Variants in MGAT4A observed in about 807,000 individuals in gnomAD.
The protein encoded by MGAT4A is alpha-1,3-mannosyl-glycoprotein 4-beta-N-acetylglucosaminyltransferase A.
MGAT4A carries 33 observed loss-of-function variants against 74.1 expected under a neutral mutation model. That is an observed-to-expected ratio of 0.45 (90% CI 0.34 to 0.60). The LOEUF (loss-of-function observed/expected upper bound fraction) is 0.60. MGAT4A is among the 20% of genes least tolerant of loss of function. The pLI is 0.02. For synonymous variants in MGAT4A, 198 were observed against 210.4 expected, an observed-to-expected ratio of 0.94 and a Z score of 0.51; for missense variants, 479 against 628.3, an observed-to-expected ratio of 0.76 and a Z score of 2.54.
chr2:98,707,433 C>G (rs1352143306), intron 2 of MGAT4A, among the ~76,000 whole-genome samples: 1 of 152,120 alleles, frequency 6.6e-6, no homozygotes, highest in Non-Finnish European at 1.5e-5. Flanking sequence ...CTCATGCTCA[C>G]AAAACACCCA....
chr2:98,627,681 A>G (rs1447741264), intron 14 of MGAT4A, among the ~76,000 whole-genome samples: 1 of 152,178 alleles, frequency 6.6e-6, no homozygotes, highest in East Asian at 1.9e-4. Context: ...CAGTTTAGCA[A>G]AAACGAATTT....
chr2:98,693,560 A>T (rs774033003), intron 2 of MGAT4A, among the ~76,000 whole-genome samples: 22 of 152,088 alleles, frequency 1.4e-4, no homozygotes, highest in Non-Finnish European at 3.1e-4. Flanking sequence ...TTAAAGAATT[A>T]GCTGGGTGTG....
intron 2 of MGAT4A, among the ~76,000 whole-genome samples, chr2:98,686,944 C>T (rs1396464327): frequency 6.6e-6 from 1 of 152,116 alleles, no homozygotes; most frequent in Non-Finnish European, 1.5e-5. Flanking sequence ...CTCATGATAA[C>T]ATTCATTAGA....
At chr2:98,633,118 A>T (rs1447578088) in intron 14 of MGAT4A, among the ~76,000 whole-genome samples, 1 of 152,204 alleles carries the variant, frequency 6.6e-6, no homozygotes, top group Non-Finnish European at 1.5e-5. Flanking sequence ...GAGCTAGGAC[A>T]TCGGTGATCA....
chr2:98,677,603 C>A (rs1320459778), intron 3 of MGAT4A, among the ~76,000 whole-genome samples: 3 of 152,054 alleles, frequency 2.0e-5, no homozygotes, highest in African/African-American at 7.2e-5. Flanking sequence ...CAGGCGCACA[C>A]CAACATGCCC....
At chr2:98,649,348 C>G (rs182658956) in intron 8 of MGAT4A, among the ~76,000 whole-genome samples, 37 of 152,290 alleles carry the variant, frequency 2.4e-4, no homozygotes, top group Non-Finnish European at 2.9e-4. Context: ...ACACGAGACA[C>G]AGATTTAAAA....
At position 98,637,573 on chromosome 2, in the gene MGAT4A, C is replaced by T. The variant is rs145162208; in HGVS notation, c.1323-978G>A. On this transcript the variant is annotated intron_variant, in intron 12 of 15. Transcript: ENST00000393487. ...AAACAAACTAGTAAGTATGCGTATGCGTTCTCAGGGTGTGGGGAAGGGAGG... is the reference window on the plus strand; with the variant it reads ...AAACAAACTAGTAAGTATGCGTATGTGTTCTCAGGGTGTGGGGAAGGGAGG... Among the ~76,000 whole-genome samples, 1,083 of 152,122 alleles carry T rather than the reference C, an allele frequency of 7.1e-3. 20 individuals are homozygous for T. Among genetic ancestry groups the T allele is most frequent in the African/African-American group, 0.024 (1,007 of 41,458 alleles).
Position 98,675,102 on chromosome 2 carries a change from C to G in MGAT4A, c.336G>C (p.Leu112Phe). Residue 112 changes from leucine to phenylalanine, a missense_variant, in exon 4 of 16, where the codon TTG becomes TTC. By Grantham distance (22) the Leu-to-Phe change is conservative. Transcript: ENST00000393487. Reference sequence around the variant, plus strand: ...TTCCTTCATTTTTCAATAAATGAGGCAAATGATAATAAATACTTGGCACTT... The same window carrying G: ...TTCCTTCATTTTTCAATAAATGAGGGAAATGATAATAAATACTTGGCACTT... ...SLQVPSIYYH[L>F]PHLLKNEGSL... 1 of 1,612,468 alleles carries G rather than the reference C, an allele frequency of 6.2e-7. No homozygotes were observed. The highest frequency in any genetic ancestry group is 8.5e-7 in the Non-Finnish European group (1 of 1,179,086).
chr2:98,691,448 AAAG>A lies in MGAT4A; in HGVS notation c.95-12980_95-12978del, dbSNP rs1282231286. 1.2e-3 allele frequency among the ~76,000 whole-genome samples: 177 copies of A among 152,164 alleles called. 1 individual carries two copies. The highest frequency in any genetic ancestry group is 3.8e-3 in the African/African-American group (158 of 41,524). On this transcript the variant is annotated intron_variant, in intron 2 of 15. Transcript: ENST00000393487. ...GAGCAAGCTCTGTCTCAAAAAAAAA[AAAG>A]ATTATAATAGAGCTGAAAAATTCCT...
In MGAT4A at chr2:98,726,494, G is replaced by A. The variant is rs1345046978; in HGVS notation, c.-162C>T. On this transcript the variant is annotated 5_prime_UTR_variant, in exon 2 of 16. Coordinates refer to ENST00000393487, the MANE Select transcript of MGAT4A (RefSeq NM_012214.3). ...GATGATCTGCAGGAGGAGCCTAGCA[G>A]CAATGCTGTTCACAACTGTACTCGG... 1.7e-6 allele frequency: 1 copy of A among 571,464 alleles called. No homozygotes were observed. Among genetic ancestry groups the A allele is most frequent in the South Asian group, 2.5e-5 (1 of 39,664 alleles). 35.4% of individuals were successfully genotyped at this position (571,464 alleles called of 1,614,324 possible).
intron 5 of MGAT4A, among the ~76,000 whole-genome samples, chr2:98,661,318 T>G (rs1701746010): frequency 6.6e-6 from 1 of 152,186 alleles, no homozygotes; most frequent in South Asian, 2.1e-4. Context: ...GTATCCATAC[T>G]GGATACATAC....
chr2:98,728,032 G>A (rs1444523039), intron 1 of MGAT4A, among the ~76,000 whole-genome samples: 1 of 152,180 alleles, frequency 6.6e-6, no homozygotes, highest in Non-Finnish European at 1.5e-5. Flanking sequence ...AATATGAAGA[G>A]AAGTTCCAGG....
intron 5 of MGAT4A, among the ~76,000 whole-genome samples, chr2:98,660,678 A>G (rs1438673495): frequency 2.0e-5 from 3 of 152,156 alleles, no homozygotes; most frequent in Non-Finnish European, 4.4e-5. Flanking sequence ...ACACTCAATG[A>G]AAAAAGTTTC....
At chr2:98,661,172 TA>T (rs1701743854) in intron 5 of MGAT4A, among the ~76,000 whole-genome samples, 1 of 152,186 alleles carries the variant, frequency 6.6e-6, no homozygotes, top group Non-Finnish European at 1.5e-5. Context: ...TCAACACTGC[TA>T]ATCATTAGGG....
chr2:98,655,156 G>A (rs920911369), intron 8 of MGAT4A, among the ~76,000 whole-genome samples: 1 of 152,094 alleles, frequency 6.6e-6, no homozygotes, highest in Non-Finnish European at 1.5e-5. Context: ...CTTCTTGACA[G>A]TGGAGAGAGG....
intron 2 of MGAT4A, among the ~76,000 whole-genome samples, chr2:98,704,205 C>T (rs895691589): frequency 3.9e-5 from 6 of 152,228 alleles, no homozygotes; most frequent in Admixed American, 6.5e-5. Context: ...AGCAGCAATA[C>T]GAAGAAAGCT....
At chr2:98,673,796 C>T (rs1166164109) in intron 4 of MGAT4A, among the ~76,000 whole-genome samples, 1 of 151,874 alleles carries the variant, frequency 6.6e-6, no homozygotes, top group East Asian at 1.9e-4. Flanking sequence ...ACAAACAAAC[C>T]CACAACTACT....
At chr2:98,716,922 A>G (rs938306042) in intron 2 of MGAT4A, among the ~76,000 whole-genome samples, 73 of 152,174 alleles carry the variant, frequency 4.8e-4, no homozygotes, top group African/African-American at 1.7e-3. Context: ...ACCAGTTTGT[A>G]TATGTTCAGT....
intron 1 of MGAT4A, 148 bp from the exon 2 acceptor site, chr2:98,726,715 A>G (rs1308301362): frequency 5.1e-6 from 1 of 194,306 alleles, no homozygotes; most frequent in Non-Finnish European, 1.0e-5. Context: ...CTCATTTAAC[A>G]TACTGGAATT....
Sources: allele counts gnomAD v4.1 joint callset (sites outside exome capture counted in the v4.1 genomes callset), GRCh38; gene constraint gnomAD v4.1.1; transcripts MANE v1.5; gene names NCBI Gene and HGNC (gene_info 2026-07-23, HGNC 2026-07-21).